Variants in TEAD1 observed in about 807,000 individuals in gnomAD.
The protein encoded by TEAD1 is TEA domain transcription factor 1.
A neutral mutation model predicts 54.9 loss-of-function variants in TEAD1; 9 were observed. The ratio of observed to expected loss-of-function variants is 0.16; its 90% CI spans 0.10 to 0.29. The LOEUF is 0.29. Ranked by LOEUF, TEAD1 falls within the 10% of genes least tolerant of loss-of-function variation. TEAD1 has a pLI of 1.00. For synonymous variants in TEAD1, 200 were observed against 187.8 expected (o/e 1.07, Z -0.53); for missense variants, 387 against 535.9 (o/e 0.72, Z 2.74).
chr11:12,693,773 A>G (rs1943516672), intron 2 of TEAD1, among the ~76,000 whole-genome samples: 1 of 152,254 alleles, frequency 6.6e-6, no homozygotes, highest in African/African-American at 2.4e-5. Context: ...TCTTAGGGTC[A>G]GAAACATATT....
At chr11:12,803,186 A>T (rs944528852) in intron 3 of TEAD1, among the ~76,000 whole-genome samples, 1 of 151,496 alleles carries the variant, frequency 6.6e-6, no homozygotes, top group African/African-American at 2.4e-5. Context: ...TTTCCCCGAG[A>T]GGCTTTCTAA....
chr11:12,739,584 T>A (rs1168010035), intron 2 of TEAD1, among the ~76,000 whole-genome samples: 6 of 152,218 alleles, frequency 3.9e-5, no homozygotes, highest in Admixed American at 6.5e-5. Context: ...CTCCACAAGA[T>A]GTATTCTTGT....
intron 5 of TEAD1, chr11:12,878,771 G>A (rs1448787975): frequency 4.1e-5 from 20 of 483,584 alleles, no homozygotes; most frequent in Non-Finnish European, 6.1e-5. Flanking sequence ...TTATATGTTT[G>A]TGTACATATA....
At chr11:12,795,220 C>CT (rs1267765997) in intron 3 of TEAD1, among the ~76,000 whole-genome samples, 1 of 152,272 alleles carries the variant, frequency 6.6e-6, no homozygotes, top group Admixed American at 6.5e-5. Flanking sequence ...ATTTCAGTCT[C>CT]TAACTTTGTT....
At chr11:12,795,021 G>C (rs1224426196) in intron 3 of TEAD1, among the ~76,000 whole-genome samples, 1 of 152,180 alleles carries the variant, frequency 6.6e-6, no homozygotes, top group South Asian at 2.1e-4. Context: ...TAACACAATA[G>C]TGTAAACTAG....
intron 12 of TEAD1, among the ~76,000 whole-genome samples, chr11:12,935,170 G>A (rs1014983140): frequency 6.6e-6 from 1 of 152,184 alleles, no homozygotes; most frequent in Non-Finnish European, 1.5e-5. Context: ...GGGACGCAGG[G>A]CATTCGTAGA....
intron 3 of TEAD1, among the ~76,000 whole-genome samples, chr11:12,773,325 A>G (rs1020997538): frequency 6.6e-6 from 1 of 152,204 alleles, no homozygotes; most frequent in African/African-American, 2.4e-5. Flanking sequence ...GTATTTGTAC[A>G]TTCAGTATTT....
At chr11:12,769,954 C>T (rs879021101) in intron 3 of TEAD1, among the ~76,000 whole-genome samples, 1 of 151,988 alleles carries the variant, frequency 6.6e-6, no homozygotes, top group Admixed American at 6.5e-5. Flanking sequence ...CTGAGGGCCT[C>T]TCCTGTGGGA....
intron 10 of TEAD1, among the ~76,000 whole-genome samples, chr11:12,919,452 G>T (rs1306717804): frequency 6.6e-6 from 1 of 152,044 alleles, no homozygotes; most frequent in Non-Finnish European, 1.5e-5. Flanking sequence ...TCCTTTGTTG[G>T]CCTGAGTCCT....
At chr11:12,675,638 C>A (rs948236102) in intron 2 of TEAD1, 77 bp downstream of exon 2, 1 of 152,232 alleles carries the variant, frequency 6.6e-6, no homozygotes, top group Admixed American at 6.5e-5. Flanking sequence ...GGGTACACTT[C>A]TAGTCTTTGT....
chr11:12,932,414 T>TGGG (rs35618237), intron 12 of TEAD1, among the ~76,000 whole-genome samples: 1 of 151,948 alleles, frequency 6.6e-6, no homozygotes, highest in Non-Finnish European at 1.5e-5. Context: ...CTGCCTCTCT[T>TGGG]GGGGGGGAGT....
intron 5 of TEAD1, among the ~76,000 whole-genome samples, chr11:12,870,702 A>G (rs1025152364): frequency 2.0e-5 from 3 of 152,158 alleles, no homozygotes; most frequent in African/African-American, 7.2e-5. Flanking sequence ...CCTGGGCAAC[A>G]CGGTGAAACC....
At chr11:12,889,087 G>A (rs1431243977) in intron 9 of TEAD1, among the ~76,000 whole-genome samples, 3 of 152,192 alleles carry the variant, frequency 2.0e-5, no homozygotes. Flanking sequence ...AAACAGCAGA[G>A]GGTGAAGAAA....
chr11:12,758,563 A>G (rs2133918032), intron 2 of TEAD1, among the ~76,000 whole-genome samples: 1 of 152,090 alleles, frequency 6.6e-6, no homozygotes, highest in South Asian at 2.1e-4. Context: ...GGCGCCTGCC[A>G]CCACGCCTGG....
intron 10 of TEAD1, among the ~76,000 whole-genome samples, chr11:12,909,787 G>A (rs1485061376): frequency 6.6e-6 from 1 of 152,130 alleles, no homozygotes; most frequent in Non-Finnish European, 1.5e-5. Context: ...GCACTTTATA[G>A]TACCATAGCA....
intron 2 of TEAD1, among the ~76,000 whole-genome samples, chr11:12,731,011 C>T (rs1944415085): frequency 6.6e-6 from 1 of 152,002 alleles, no homozygotes; most frequent in Non-Finnish European, 1.5e-5. Flanking sequence ...CCCTTTCCTA[C>T]ATAGTTCTAA....
chr11:12,826,032 C>T (rs538606215), intron 3 of TEAD1, among the ~76,000 whole-genome samples: 21 of 152,262 alleles, frequency 1.4e-4, no homozygotes, highest in African/African-American at 4.8e-4. Flanking sequence ...CAAAATGGAT[C>T]CTAGGCTAAA....
chr11:12,930,501 G>C (rs768735957), intron 12 of TEAD1, among the ~76,000 whole-genome samples, 175 bp downstream of exon 12: 14 of 152,152 alleles, frequency 9.2e-5, no homozygotes, highest in Non-Finnish European at 1.9e-4. Context: ...GGGAAAACTT[G>C]GGCTTGATTC....
intron 9 of TEAD1, among the ~76,000 whole-genome samples, chr11:12,901,352 C>T (rs995216511): frequency 6.6e-6 from 1 of 151,942 alleles, no homozygotes; most frequent in Non-Finnish European, 1.5e-5. Context: ...TGATCTGTAC[C>T]CCAGTCCTAA....
Sources: gnomAD v4.1 joint callset for allele counts (sites outside exome capture counted in the v4.1 genomes callset) on GRCh38, gnomAD v4.1.1 for gene constraint, MANE v1.5 for transcripts, NCBI Gene and HGNC (gene_info 2026-07-23, HGNC 2026-07-21) for gene names.